MAF: variants seen among roughly 807,000 people sequenced by gnomAD.
MAF encodes transcription factor Maf.
MAF carries 10 observed loss-of-function variants against 22.0 expected under a neutral mutation model. That is an observed-to-expected ratio of 0.45 (90% confidence interval 0.28 to 0.77). The LOEUF (loss-of-function observed/expected upper bound fraction) is 0.77, where lower values mean the gene tolerates loss of function less well. Among genes scored for constraint, MAF ranks in the 30% least tolerant of loss-of-function variants. The pLI is 0.12. For synonymous variants in MAF, 337 were observed against 255.8 expected (o/e 1.32, Z -3.03); for missense variants, 544 against 548.4 (o/e 0.99, Z 0.08).
the MAF span, among the ~76,000 whole-genome samples, chr16:79,384,197 A>T: frequency 3.9e-5 from 6 of 152,118 alleles, no homozygotes; most frequent in African/African-American, 1.4e-4. Context: ...TAATCTTACC[A>T]CTTTGGGAGG....
chr16:79,434,335 A>G, the MAF span, among the ~76,000 whole-genome samples: 1 of 152,360 alleles, frequency 6.6e-6, no homozygotes, highest in Admixed American at 6.5e-5. Flanking sequence ...TGACTTCACC[A>G]TGGAGAGAGG....
the MAF span, among the ~76,000 whole-genome samples, chr16:79,449,820 A>G: frequency 6.6e-6 from 1 of 152,230 alleles, no homozygotes; most frequent in South Asian, 2.1e-4. Context: ...CAGATCCCCC[A>G]GGTAACTCTA....
At chr16:79,308,157 G>A in the MAF span, among the ~76,000 whole-genome samples, 1 of 152,196 alleles carries the variant, frequency 6.6e-6, no homozygotes, top group Non-Finnish European at 1.5e-5. Context: ...CGATGGAGCT[G>A]TCTAGACAAT....
the MAF span, among the ~76,000 whole-genome samples, chr16:79,438,853 C>T: frequency 6.6e-6 from 1 of 152,072 alleles, no homozygotes; most frequent in East Asian, 1.9e-4. Context: ...TCCATGTGTG[C>T]GCTCTGCCAC....
the MAF span, among the ~76,000 whole-genome samples, chr16:79,391,387 G>A: frequency 1.3e-5 from 2 of 152,128 alleles, no homozygotes; most frequent in Non-Finnish European, 2.9e-5. Context: ...CGAGTTATGA[G>A]GCCCAAGCAG....
At chr16:79,320,348 A>G in the MAF span, among the ~76,000 whole-genome samples, 1 of 152,202 alleles carries the variant, frequency 6.6e-6, no homozygotes, top group South Asian at 2.1e-4. Flanking sequence ...GGGCTTCCTG[A>G]AATGGAAGAA....
the MAF span, among the ~76,000 whole-genome samples, chr16:79,416,240 T>C: frequency 5.9e-5 from 9 of 152,202 alleles, no homozygotes; most frequent in South Asian, 1.5e-3. Context: ...TCTGATTCTG[T>C]TGTGGTCTGA....
At chr16:79,360,835 A>G in the MAF span, among the ~76,000 whole-genome samples, 2 of 152,188 alleles carry the variant, frequency 1.3e-5, no homozygotes, top group African/African-American at 2.4e-5. Context: ...GGGATGACTC[A>G]GGAGCATCTA....
chr16:79,505,081 G>A, the MAF span, among the ~76,000 whole-genome samples: 2 of 152,090 alleles, frequency 1.3e-5, no homozygotes, highest in African/African-American at 2.4e-5. Flanking sequence ...CTTCAGCTAC[G>A]TTTTCAAACA....
chr16:79,358,791 C>G, the MAF span, among the ~76,000 whole-genome samples: 1 of 152,180 alleles, frequency 6.6e-6, no homozygotes, highest in African/African-American at 2.4e-5. Flanking sequence ...AGTCTCCCAC[C>G]TCATTCTCTC....
the MAF span, among the ~76,000 whole-genome samples, chr16:79,403,140 A>C: frequency 6.6e-6 from 1 of 152,144 alleles, no homozygotes; most frequent in Non-Finnish European, 1.5e-5. Flanking sequence ...GCCTCGTGAC[A>C]TCATCGCATA....
chr16:79,451,399 T>C, the MAF span, among the ~76,000 whole-genome samples: 1 of 152,176 alleles, frequency 6.6e-6, no homozygotes, highest in Non-Finnish European at 1.5e-5. Flanking sequence ...ACAAAGGGAC[T>C]CAAGCTCCTC....
chr16:79,421,711 G>A, the MAF span, among the ~76,000 whole-genome samples: 36 of 150,324 alleles, frequency 2.4e-4, no homozygotes, highest in South Asian at 8.4e-4. Flanking sequence ...ATTGTTGGCC[G>A]CTGCAACCTT....
chr16:79,438,117 G>C, the MAF span, among the ~76,000 whole-genome samples: 1 of 152,084 alleles, frequency 6.6e-6, no homozygotes, highest in Non-Finnish European at 1.5e-5. Context: ...GTGGCGTTGG[G>C]GGGGCAGGGG....
chr16:79,248,816 C>G, the MAF span, among the ~76,000 whole-genome samples: 1 of 151,670 alleles, frequency 6.6e-6, no homozygotes, highest in Non-Finnish European at 1.5e-5. Context: ...AAAAATTCAG[C>G]TTAGTGAGCT....
the MAF span, among the ~76,000 whole-genome samples, chr16:79,307,353 C>A: frequency 6.6e-6 from 1 of 152,192 alleles, no homozygotes; most frequent in South Asian, 2.1e-4. Flanking sequence ...CGTGGTTGGT[C>A]CCCTTGTTCA....
chr16:79,479,590 G>C, the MAF span, among the ~76,000 whole-genome samples: 1 of 152,186 alleles, frequency 6.6e-6, no homozygotes, highest in Non-Finnish European at 1.5e-5. Context: ...CCCCTCTCTA[G>C]AGCCGAGCCA....
At chr16:79,203,520 G>C in the MAF span, 1 of 142,210 alleles carries the variant, frequency 7.0e-6, no homozygotes, top group African/African-American at 2.7e-5. Flanking sequence ...TTTCTTCAGT[G>C]CTTTTTCAGG....
the MAF span, among the ~76,000 whole-genome samples, chr16:79,545,281 C>T: frequency 6.6e-6 from 1 of 152,244 alleles, no homozygotes. Flanking sequence ...GCTTGGAGAA[C>T]ATACACAGTG....
Sources: allele counts gnomAD v4.1 joint callset (sites outside exome capture counted in the v4.1 genomes callset), GRCh38; gene constraint gnomAD v4.1.1; transcripts MANE v1.5; gene names NCBI Gene and HGNC (gene_info 2026-07-23, HGNC 2026-07-21).